The following SPON1 variants were observed in gnomAD, a reference collection of about 807,000 sequenced individuals.
SPON1 encodes the protein spondin-1.
A neutral mutation model predicts 111.7 loss-of-function variants in SPON1; 52 were observed. The ratio of observed to expected loss-of-function variants is 0.47; its 90% CI spans 0.37 to 0.59. The LOEUF is 0.59. SPON1 is among the 20% of genes least tolerant of loss of function. SPON1 has a pLI of 0.00. For missense variants in SPON1, 957 were observed against 1,068.5 expected (o/e 0.90, Z 1.46); for synonymous variants, 410 against 395.8 (o/e 1.04, Z -0.43).
chr11:14,095,378 C>T (rs916233219), intron 5 of SPON1, among the ~76,000 whole-genome samples: 2 of 151,522 alleles, frequency 1.3e-5, no homozygotes, highest in South Asian at 4.2e-4. Context: ...GAGAAACAGA[C>T]CAACAGGAGA....
At chr11:13,991,914 CT>C (rs1848233800) in intron 2 of SPON1, among the ~76,000 whole-genome samples, 1 of 152,158 alleles carries the variant, frequency 6.6e-6, no homozygotes, top group East Asian at 1.9e-4. Context: ...AGATTGTTGC[CT>C]GATCTTTCCT....
At chr11:14,232,158 C>G (rs1848810681) in intron 6 of SPON1, among the ~76,000 whole-genome samples, 5 of 151,974 alleles carry the variant, frequency 3.3e-5, no homozygotes, top group Admixed American at 3.3e-4. Context: ...TGAAGGCTTC[C>G]TCCACCACTC....
intron 6 of SPON1, among the ~76,000 whole-genome samples, chr11:14,182,942 G>C (rs10766163): frequency 6.6e-6 from 1 of 151,966 alleles, no homozygotes; most frequent in Admixed American, 6.6e-5. Flanking sequence ...ATTAGTTGCC[G>C]TCCAAGCTAG....
chr11:14,125,144 G>A (rs1346178643), intron 5 of SPON1, among the ~76,000 whole-genome samples: 1 of 152,222 alleles, frequency 6.6e-6, no homozygotes, highest in Non-Finnish European at 1.5e-5. Flanking sequence ...TGTGTCCTGG[G>A]CAGCACCCAG....
At chr11:14,192,320 A>G (rs1269159937) in intron 6 of SPON1, among the ~76,000 whole-genome samples, 1 of 151,924 alleles carries the variant, frequency 6.6e-6, no homozygotes, top group Admixed American at 6.6e-5. Flanking sequence ...CTGCTAGGGT[A>G]TGTCTGTCAT....
intron 3 of SPON1, among the ~76,000 whole-genome samples, chr11:14,050,209 T>A (rs1290102169): frequency 1.3e-5 from 2 of 152,248 alleles, no homozygotes; most frequent in African/African-American, 4.8e-5. Flanking sequence ...ACTCTGTATA[T>A]TTCTAGCCAC....
chr11:13,986,431 A>G, intron 2 of SPON1, among the ~76,000 whole-genome samples: 1 of 152,200 alleles, frequency 6.6e-6, no homozygotes, highest in East Asian at 1.9e-4. Context: ...TTATATATAT[A>G]GAATGTGTAA....
chr11:13,990,841 G>T (rs1302174304), intron 2 of SPON1, among the ~76,000 whole-genome samples: 5 of 152,106 alleles, frequency 3.3e-5, no homozygotes, highest in African/African-American at 1.2e-4. Context: ...AGCTTAGTTT[G>T]GCTGGATATG....
chr11:14,149,318 TAAAAA>T (rs199670822), intron 6 of SPON1, among the ~76,000 whole-genome samples: 9 of 151,968 alleles, frequency 5.9e-5, no homozygotes, highest in African/African-American at 2.2e-4. Flanking sequence ...TTTAAAAAGT[TAAAAA>T]AAGAATTAAA....
intron 5 of SPON1, among the ~76,000 whole-genome samples, chr11:14,087,718 G>A (rs1161197210): frequency 1.3e-5 from 2 of 152,052 alleles, no homozygotes; most frequent in Non-Finnish European, 2.9e-5. Context: ...CTGTCCCATT[G>A]ATCTAAAATT....
intron 6 of SPON1, among the ~76,000 whole-genome samples, chr11:14,161,261 T>TTA (rs1847957820): frequency 3.0e-5 from 1 of 33,336 alleles, no homozygotes; most frequent in African/African-American, 8.4e-5. Flanking sequence ...ATTTATATAT[T>TTA]TATATATCTG....
chr11:14,170,632 T>G (rs1554932347), intron 6 of SPON1, among the ~76,000 whole-genome samples: 1 of 151,838 alleles, frequency 6.6e-6, no homozygotes, highest in African/African-American at 2.4e-5. Context: ...GGCTGTGGGT[T>G]TGTCATAGAT....
At chr11:14,227,603 G>A (rs7127495) in intron 6 of SPON1, among the ~76,000 whole-genome samples, 79,850 of 151,932 alleles carry the variant, frequency 0.53, 21,204 homozygotes, top group East Asian at 0.63. Context: ...TTTATTGTTC[G>A]GCCTCTCCTA....
chr11:14,137,197 A>G (rs1847602637), intron 6 of SPON1, among the ~76,000 whole-genome samples: 1 of 152,190 alleles, frequency 6.6e-6, no homozygotes, highest in Admixed American at 6.5e-5. Context: ...TGTGCTGGTG[A>G]ACATTATCTG....
Position 14,232,952 on chromosome 11 carries a change from G to A in SPON1, c.826-10380G>A, listed in dbSNP as rs1848819121. ...CCGCAGAGGTAGTGGGGTAAGCACA[G>A]GGTTTCTGAAGAGGCCCTGGGCAGG... On this transcript the variant is annotated intron_variant, in intron 6 of 15. Coordinates refer to ENST00000576479, the MANE Select transcript of SPON1 (RefSeq NM_006108.4). 2.6e-5 allele frequency among the ~76,000 whole-genome samples: 4 copies of A among 152,180 alleles called. No individual in the cohort carries two copies. In the South Asian group the frequency reaches 8.3e-4, roughly 32 times the overall value.
chr11:14,161,243 A>G lies in SPON1; in HGVS notation c.825+25675A>G, dbSNP rs1458664718. ...TCTATATATATTTATATATTTATAT[A>G]TCTATATATTTATATATTTATATAT... On this transcript the variant is annotated intron_variant, in intron 6 of 15. Transcript: ENST00000576479. Among the ~76,000 whole-genome samples the G allele has an allele frequency of 6.8e-5, 4 of 58,790 alleles. 1 individual carries two copies. In the Admixed American group the frequency reaches 8.2e-4, roughly 12 times the overall value. 38.6% of individuals were successfully genotyped at this position (58,790 alleles called of 152,430 possible).
At chr11:14,130,273 A>G (rs1554927418) in intron 5 of SPON1, among the ~76,000 whole-genome samples, 1 of 152,208 alleles carries the variant, frequency 6.6e-6, no homozygotes, top group Admixed American at 6.5e-5. Flanking sequence ...AGATGATTGG[A>G]TGGACTCTGG....
rs782482918 is a variant in SPON1, at chr11:13,962,938, C to G, written c.34C>G (p.Arg12Gly). Residue 12 changes from arginine (R) to glycine (G), a missense_variant, in exon 1 of 16, where the codon CGG becomes GGG. This residue lies in a region of SPON1 where 262 missense variants were observed against 253.9 expected (regional missense o/e 1.03). Transcript: ENST00000576479. ...RLSPAPLKLS[R>G]TPALLALALP... ...GTCCCCGGCGCCCCTGAAGCTGAGCCGGACTCCGGCACTGCTGGCCCTGGC... is the reference window on the plus strand; with the variant it reads ...GTCCCCGGCGCCCCTGAAGCTGAGCGGGACTCCGGCACTGCTGGCCCTGGC... 1.9e-6 allele frequency: 3 copies of G among 1,573,968 alleles called. No individual in the cohort carries two copies. The highest frequency in any genetic ancestry group is 4.8e-5 in the East Asian group (2 of 41,626).
intron 6 of SPON1, among the ~76,000 whole-genome samples, chr11:14,171,480 T>A (rs1848099444): frequency 6.6e-6 from 1 of 152,230 alleles, no homozygotes. Flanking sequence ...GTTTTTTATG[T>A]CTCTATTTCC....
Sources: gnomAD v4.1 joint callset for allele counts (sites outside exome capture counted in the v4.1 genomes callset) on GRCh38, gnomAD v4.1.1 for gene constraint, gnomAD v4.1.1 regional missense constraint, MANE v1.5 for transcripts, NCBI Gene and HGNC (gene_info 2026-07-23, HGNC 2026-07-21) for gene names.